Variants in DCX observed in about 807,000 individuals in gnomAD.
DCX encodes neuronal migration protein doublecortin.
In DCX, 4 loss-of-function variants were observed where a neutral mutation model predicts 20.9. That is an observed-to-expected ratio of 0.19 (90% CI 0.09 to 0.44). DCX has a LOEUF of 0.44. DCX is among the 20% of genes least tolerant of loss of function. DCX has a pLI of 0.99. For missense variants in DCX, 133 were observed against 296.9 expected, an observed-to-expected ratio of 0.45 and a Z score of 4.06; for synonymous variants, 103 against 111.4, an observed-to-expected ratio of 0.92 and a Z score of 0.47.
chrX:111,370,756 G>A (rs1351996757), intron 3 of DCX, among the ~76,000 whole-genome samples: 1 of 108,893 alleles, frequency 9.2e-6, no homozygotes, highest in Non-Finnish European at 1.9e-5. Context: ...ACCTTGGCTG[G>A]ATGTTAGGAA....
At chrX:111,307,827 G>A (rs977348064) in intron 6 of DCX, among the ~76,000 whole-genome samples, 9 of 111,545 alleles carry the variant, frequency 8.1e-5, no homozygotes, top group African/African-American at 2.9e-4. Context: ...CTTCAGTGGA[G>A]TTGCTTGGTT....
At chrX:111,373,919 T>C (rs1026491680) in intron 3 of DCX, among the ~76,000 whole-genome samples, 1 of 111,868 alleles carries the variant, frequency 8.9e-6, no homozygotes, top group African/African-American at 3.2e-5. Context: ...AGAAACTTAT[T>C]TAGAGTCACA....
At chrX:111,369,783 C>T (rs140266008) in intron 3 of DCX, among the ~76,000 whole-genome samples, 2,339 of 111,419 alleles carry the variant, frequency 0.021, 68 homozygotes, top group African/African-American at 0.072. Context: ...GGGTGCATTC[C>T]CAAAGGATGC....
intron 3 of DCX, among the ~76,000 whole-genome samples, chrX:111,365,614 C>T (rs911819498): frequency 7.3e-5 from 8 of 109,358 alleles, no homozygotes; most frequent in Admixed American, 4.9e-4. Context: ...CCACCTCCCC[C>T]GCTTCCAGTC....
At chrX:111,326,859 A>G (rs2095100696) in intron 5 of DCX, among the ~76,000 whole-genome samples, 1 of 112,017 alleles carries the variant, frequency 8.9e-6, no homozygotes, top group Non-Finnish European at 1.9e-5. Flanking sequence ...TAAGGAATAA[A>G]GAATCAAATT....
At position 111,312,657 on chromosome X, in the gene DCX, G is replaced by A. The variant is rs1160016333; in HGVS notation, c.1026C>T (p.Ser342=). The change falls in exon 6 of 7, where the codon AGC becomes AGT. Residue 342 remains serine, a synonymous_variant. Transcript: ENST00000636035. ...GACATAATACCTTGTGCTTCCGGAG[G>A]CTGCCAGGACTGGTGGGCGTAGAGA... ...SPISTPTSPG[S]LRKHKVDLYL... The A allele has an allele frequency of 7.4e-6, 9 of 1,211,662 alleles. No homozygotes were observed. The highest frequency in any genetic ancestry group is 3.0e-5 in the East Asian group (1 of 33,846).
chrX:111,351,815 C>T (rs1326369232), intron 3 of DCX, among the ~76,000 whole-genome samples: 1 of 112,235 alleles, frequency 8.9e-6, no homozygotes, highest in Non-Finnish European at 1.9e-5. Flanking sequence ...CCTCTGCCTC[C>T]TGGGCTCAAG....
intron 5 of DCX, among the ~76,000 whole-genome samples, chrX:111,322,684 G>A (rs1349500951): frequency 8.9e-6 from 1 of 111,865 alleles, no homozygotes; most frequent in Non-Finnish European, 1.9e-5. Flanking sequence ...TTGGCTAATT[G>A]TTTCTGCTCA....
At chrX:111,393,399 T>A (rs1212246776) in intron 3 of DCX, among the ~76,000 whole-genome samples, 5 of 111,516 alleles carry the variant, frequency 4.5e-5, no homozygotes, top group Non-Finnish European at 9.4e-5. Context: ...TGGGAGAAAA[T>A]TTTTGAGATG....
intron 2 of DCX, among the ~76,000 whole-genome samples, chrX:111,406,961 T>A (rs1928257265): frequency 1.8e-5 from 2 of 112,369 alleles, no homozygotes; most frequent in Admixed American, 1.9e-4. Flanking sequence ...AATACAGTTG[T>A]TTGTTTTTTT....
At chrX:111,376,064 A>T (rs912336786) in intron 3 of DCX, among the ~76,000 whole-genome samples, 1 of 112,357 alleles carries the variant, frequency 8.9e-6, no homozygotes, top group Admixed American at 9.4e-5. Flanking sequence ...TTAGGAAGAC[A>T]ATAAGGTGAG....
At chrX:111,408,707 A>G (rs1025787673) in intron 2 of DCX, among the ~76,000 whole-genome samples, 1 of 109,871 alleles carries the variant, frequency 9.1e-6, no homozygotes, top group Non-Finnish European at 1.9e-5. Context: ...AGGAAGTCGA[A>G]CTTGAACCTT....
intron 3 of DCX, among the ~76,000 whole-genome samples, chrX:111,379,000 C>T (rs766578495): frequency 9.0e-6 from 1 of 111,488 alleles, no homozygotes; most frequent in Non-Finnish European, 1.9e-5. Flanking sequence ...ACCAGATAAG[C>T]AAACCTGCCA....
intron 3 of DCX, among the ~76,000 whole-genome samples, chrX:111,366,992 A>G (rs776306626): frequency 8.9e-6 from 1 of 111,819 alleles, no homozygotes; most frequent in Non-Finnish European, 1.9e-5. Flanking sequence ...ACCCCAATTC[A>G]AAGAGAAGAC....
chrX:111,401,278 G>A lies in DCX; in HGVS notation c.417C>T (p.Thr139=). Residue 139 remains threonine, a synonymous_variant, in exon 3 of 7, where the codon ACC becomes ACT. Transcript: ENST00000636035. ...SDNFFKKVEY[T]KNVNPNWSVN... ...CAGACCAGTTGGGATTGACATTCTTGGTGTACTCCACCTTTTTAAAGAAGT... is the reference window on the plus strand; with the variant it reads ...CAGACCAGTTGGGATTGACATTCTTAGTGTACTCCACCTTTTTAAAGAAGT... 1.7e-6 allele frequency: 2 copies of A among 1,211,401 alleles called. No individual in the cohort carries two copies. Among genetic ancestry groups the A allele is most frequent in the Non-Finnish European group, 1.1e-6 (1 of 895,349 alleles).
intron 3 of DCX, among the ~76,000 whole-genome samples, chrX:111,361,763 G>A (rs1043265646): frequency 8.9e-6 from 1 of 112,149 alleles, no homozygotes; most frequent in African/African-American, 3.2e-5. Context: ...TTAATCTAGG[G>A]TTTACCCTTA....
intron 3 of DCX, among the ~76,000 whole-genome samples, chrX:111,392,425 A>C (rs1039267588): frequency 1.8e-5 from 2 of 112,053 alleles, no homozygotes; most frequent in Non-Finnish European, 3.8e-5. Flanking sequence ...GATAAACAAA[A>C]TGTAGTATAT....
In DCX at chrX:111,399,031, T is replaced by A. The variant is rs1198439088; in HGVS notation, c.705+1959A>T. On this transcript the variant is annotated intron_variant, in intron 3 of 6. Transcript: ENST00000636035. ...TGGGAGGCTGAGGCAGGAGAATTGC[T>A]TGAACTCAGGAGGCAGAGGTTGCAG... 3.6e-5 allele frequency among the ~76,000 whole-genome samples: 4 copies of A among 110,768 alleles called. No individual in the cohort carries two copies. The East Asian group carries it at 1.1e-3, about 31-fold the overall frequency.
intron 3 of DCX, among the ~76,000 whole-genome samples, chrX:111,355,026 C>T (rs1255708749): frequency 1.8e-5 from 2 of 112,259 alleles, no homozygotes; most frequent in African/African-American, 6.5e-5. Context: ...AAGCTGCAGC[C>T]TTTTCAGTCT....
Sources: gnomAD v4.1 joint callset for allele counts (sites outside exome capture counted in the v4.1 genomes callset) on GRCh38, gnomAD v4.1.1 for gene constraint, MANE v1.5 for transcripts, NCBI Gene and HGNC (gene_info 2026-07-23, HGNC 2026-07-21) for gene names.